Variants in C12orf42 observed in about 807,000 individuals in gnomAD.
The protein encoded by C12orf42 is uncharacterized protein C12orf42.
A neutral mutation model predicts 21.6 loss-of-function variants in C12orf42; 25 were observed. The ratio of observed to expected loss-of-function variants is 1.16; its 90% confidence interval spans 0.84 to 1.62. The LOEUF (loss-of-function observed/expected upper bound fraction) is 1.62, where lower values mean the gene tolerates loss of function less well. Among genes scored for constraint, C12orf42 ranks in the 40% most tolerant of loss-of-function variants. The pLI is 0.00. For missense variants in C12orf42, 483 were observed against 459.3 expected (o/e 1.05, Z -0.47); for synonymous variants, 174 against 175.0 (o/e 0.99, Z 0.05).
the C12orf42 span, among the ~76,000 whole-genome samples, chr12:103,148,423 G>C: frequency 1.3e-5 from 2 of 152,044 alleles, no homozygotes; most frequent in Admixed American, 6.6e-5. Flanking sequence ...TTATAACCTT[G>C]ATTTATTATG....
the C12orf42 span, among the ~76,000 whole-genome samples, chr12:103,102,987 C>T: frequency 1.3e-5 from 2 of 152,164 alleles, no homozygotes; most frequent in South Asian, 4.1e-4. Flanking sequence ...CACAGGTCTT[C>T]TCCATACACA....
chr12:103,526,800 C>T, the C12orf42 span, among the ~76,000 whole-genome samples: 1 of 152,186 alleles, frequency 6.6e-6, no homozygotes, highest in African/African-American at 2.4e-5. Context: ...GCTGGCATTT[C>T]AATCTGGGAC....
chr12:103,082,660 G>A, the C12orf42 span, among the ~76,000 whole-genome samples: 5 of 152,148 alleles, frequency 3.3e-5, no homozygotes, highest in African/African-American at 7.2e-5. Context: ...AAACCTGCAC[G>A]TTGTGCCCAT....
At chr12:103,079,779 C>T in the C12orf42 span, among the ~76,000 whole-genome samples, 1 of 152,144 alleles carries the variant, frequency 6.6e-6, no homozygotes, top group East Asian at 1.9e-4. Flanking sequence ...ATTTGCCTGG[C>T]AGGGAATAGT....
At chr12:103,070,968 A>G in the C12orf42 span, among the ~76,000 whole-genome samples, 1 of 152,210 alleles carries the variant, frequency 6.6e-6, no homozygotes, top group Admixed American at 6.5e-5. Flanking sequence ...GTGAATCGTT[A>G]AGTCTGTGTC....
At chr12:103,124,899 C>G in the C12orf42 span, among the ~76,000 whole-genome samples, 1 of 152,222 alleles carries the variant, frequency 6.6e-6, no homozygotes, top group South Asian at 2.1e-4. Flanking sequence ...ATATCCAGTG[C>G]TAAGAGTATG....
chr12:103,526,554 A>G, the C12orf42 span, among the ~76,000 whole-genome samples: 3 of 152,296 alleles, frequency 2.0e-5, no homozygotes, highest in Admixed American at 1.3e-4. Flanking sequence ...AAAGGCTTAG[A>G]GAGGTTAAGT....
intron 4 of C12orf42, among the ~76,000 whole-genome samples, chr12:103,293,974 C>T (rs1344760002): frequency 2.0e-5 from 3 of 152,120 alleles, no homozygotes; most frequent in African/African-American, 7.2e-5. Flanking sequence ...TAAAATGGCT[C>T]TTCACTATTC....
chr12:103,216,491 C>G, the C12orf42 span, among the ~76,000 whole-genome samples: 1 of 151,674 alleles, frequency 6.6e-6, no homozygotes, highest in Non-Finnish European at 1.5e-5. Context: ...CTGCCTCAGC[C>G]TCCCGAGTAG....
At chr12:103,151,031 G>A in the C12orf42 span, among the ~76,000 whole-genome samples, 4 of 152,098 alleles carry the variant, frequency 2.6e-5, no homozygotes, top group African/African-American at 9.7e-5. Context: ...AGGTTCAAGC[G>A]ATTCTCCTGC....
chr12:103,392,794 G>A (rs1258550687), intron 3 of C12orf42, among the ~76,000 whole-genome samples: 1 of 152,200 alleles, frequency 6.6e-6, no homozygotes, highest in Non-Finnish European at 1.5e-5. Context: ...TCATGAACTA[G>A]TAATACATGA....
At chr12:103,294,636 G>GAAA (rs1480779632) in intron 4 of C12orf42, among the ~76,000 whole-genome samples, 1 of 144,292 alleles carries the variant, frequency 6.9e-6, no homozygotes, top group African/African-American at 2.6e-5. Flanking sequence ...AAGAAAGAAA[G>GAAA]AAGGAAAAGA....
intron 10 of C12orf42, among the ~76,000 whole-genome samples, chr12:103,255,474 TC>T (rs1278101127): frequency 6.6e-6 from 1 of 152,224 alleles, no homozygotes; most frequent in African/African-American, 2.4e-5. Context: ...TGTTTATTTC[TC>T]CTTGAAATTA....
chr12:103,274,163 C>T (rs1406003511), intron 5 of C12orf42, among the ~76,000 whole-genome samples: 2 of 152,152 alleles, frequency 1.3e-5, no homozygotes, highest in African/African-American at 4.8e-5. Context: ...TTCTGTTTTA[C>T]AGATAAGGAG....
At chr12:103,407,122 A>C (rs746371631) in intron 2 of C12orf42, among the ~76,000 whole-genome samples, 1 of 152,148 alleles carries the variant, frequency 6.6e-6, no homozygotes, top group Non-Finnish European at 1.5e-5. Flanking sequence ...TGCGATTCCA[A>C]GGTGAGCCTT....
chr12:103,455,021 C>T (rs921316713), intron 2 of C12orf42, among the ~76,000 whole-genome samples: 6 of 152,094 alleles, frequency 3.9e-5, no homozygotes, highest in African/African-American at 1.4e-4. Flanking sequence ...AATGAGTTAA[C>T]ACATGTAAAG....
the C12orf42 span, among the ~76,000 whole-genome samples, chr12:103,226,599 G>A: frequency 6.4e-4 from 98 of 152,284 alleles, 1 homozygote; most frequent in African/African-American, 2.2e-3. Flanking sequence ...TTGCTGGGCA[G>A]GTTGGGGAGG....
intron 10 of C12orf42, among the ~76,000 whole-genome samples, chr12:103,246,795 TG>T (rs1366687988): frequency 1.8e-4 from 4 of 21,766 alleles, no homozygotes; most frequent in Non-Finnish European, 3.3e-4. Flanking sequence ...AAAATGACCA[TG>T]GACTATGTTT....
At chr12:103,251,171 A>G (rs2034280997) in intron 10 of C12orf42, among the ~76,000 whole-genome samples, 1 of 152,118 alleles carries the variant, frequency 6.6e-6, no homozygotes, top group Non-Finnish European at 1.5e-5. Flanking sequence ...AAAGGCTGGC[A>G]CCATCAGACA....
Sources: allele counts gnomAD v4.1 joint callset (sites outside exome capture counted in the v4.1 genomes callset), GRCh38; gene constraint gnomAD v4.1.1; transcripts MANE v1.5; gene names NCBI Gene and HGNC (gene_info 2026-07-23, HGNC 2026-07-21).